Variants in ADAMTS12 observed in about 807,000 individuals in gnomAD.
ADAMTS12 encodes A disintegrin and metalloproteinase with thrombospondin motifs 12.
A neutral mutation model predicts 167.8 loss-of-function variants in ADAMTS12; 118 were observed. The ratio of observed to expected loss-of-function variants is 0.70; its 90% CI spans 0.61 to 0.82. The LOEUF (loss-of-function observed/expected upper bound fraction) is 0.82. ADAMTS12 is among the 40% of genes least tolerant of loss of function. The pLI is 0.00. For synonymous variants in ADAMTS12, 704 were observed against 716.9 expected (o/e 0.98, Z 0.29); for missense variants, 1,916 against 1,998.8 (o/e 0.96, Z 0.79).
chr5:33,661,318 G>T (rs984687935), intron 6 of ADAMTS12, among the ~76,000 whole-genome samples: 2 of 152,192 alleles, frequency 1.3e-5, no homozygotes. Flanking sequence ...GATTTTTACA[G>T]CTATGAGTCC....
At chr5:33,806,325 A>G (rs1367387050) in intron 2 of ADAMTS12, among the ~76,000 whole-genome samples, 60 of 152,224 alleles carry the variant, frequency 3.9e-4, no homozygotes, top group Admixed American at 3.9e-3. Flanking sequence ...TCCAGTCCAT[A>G]CACAGAGATG....
chr5:33,616,876 T>A (rs1042989628), intron 14 of ADAMTS12, among the ~76,000 whole-genome samples: 1 of 152,206 alleles, frequency 6.6e-6, no homozygotes. Context: ...GGTGAAAAAA[T>A]TAACACTTAA....
At chr5:33,868,199 A>G (rs1268823597) in intron 2 of ADAMTS12, among the ~76,000 whole-genome samples, 3 of 152,220 alleles carry the variant, frequency 2.0e-5, no homozygotes, top group Non-Finnish European at 4.4e-5. Context: ...ATGGACTAAT[A>G]TAGAAAATTG....
At chr5:33,807,402 G>C (rs1747277232) in intron 2 of ADAMTS12, among the ~76,000 whole-genome samples, 1 of 152,140 alleles carries the variant, frequency 6.6e-6, no homozygotes. Flanking sequence ...TCATTTACTA[G>C]CTGCGAGATC....
chr5:33,796,594 T>C (rs1047289077), intron 2 of ADAMTS12, among the ~76,000 whole-genome samples: 2 of 152,170 alleles, frequency 1.3e-5, no homozygotes, highest in African/African-American at 2.4e-5. Context: ...TGGGGCCTCA[T>C]GTCTAGTTTT....
chr5:33,586,206 T>G (rs1470421426), intron 18 of ADAMTS12, among the ~76,000 whole-genome samples: 7 of 152,182 alleles, frequency 4.6e-5, no homozygotes, highest in Non-Finnish European at 1.5e-5. Context: ...AATCACTATG[T>G]CACCTCTCTT....
At chr5:33,837,331 T>G (rs1009558961) in intron 2 of ADAMTS12, among the ~76,000 whole-genome samples, 7 of 152,252 alleles carry the variant, frequency 4.6e-5, no homozygotes, top group African/African-American at 1.7e-4. Flanking sequence ...ATGGAAGGAC[T>G]GAGTGGCAAT....
At chr5:33,605,705 C>G (rs1358162527) in intron 16 of ADAMTS12, among the ~76,000 whole-genome samples, 1 of 152,136 alleles carries the variant, frequency 6.6e-6, no homozygotes. Flanking sequence ...AGTCACAGAA[C>G]AGAGAATAAA....
chr5:33,724,574 T>C (rs981117385), intron 3 of ADAMTS12, among the ~76,000 whole-genome samples: 3 of 149,866 alleles, frequency 2.0e-5, no homozygotes, highest in African/African-American at 5.0e-5. Context: ...TAATTTGAGA[T>C]GGAGTCTCGC....
At chr5:33,693,675 TAA>T (rs34902531) in intron 3 of ADAMTS12, among the ~76,000 whole-genome samples, 27,227 of 151,808 alleles carry the variant, frequency 0.18, 2,521 homozygotes, top group East Asian at 0.25. Flanking sequence ...CCTCACAATA[TAA>T]AGAGTCACCT....
In ADAMTS12 at chr5:33,576,892, G is replaced by A; in HGVS notation, c.3134C>T (p.Thr1045Ile). Residue 1045 changes from threonine to isoleucine, a missense_variant, in exon 19 of 24, where the codon ACT becomes ATT. Thr to Ile is a moderately conservative substitution (Grantham distance 89). Transcript: ENST00000504830. Reference protein sequence around the residue: ...PTGPESMSTSTPAISSPSPTT... With the variant: ...PTGPESMSTSIPAISSPSPTT... ...AGGACTAGGGCTGCTGATTGCTGGAGTGCTTGTGCTCATAGACTCAGGCCC... is the reference window on the plus strand; with the variant it reads ...AGGACTAGGGCTGCTGATTGCTGGAATGCTTGTGCTCATAGACTCAGGCCC... 6.2e-7 allele frequency: 1 copy of A among 1,614,188 alleles called. No individual in the cohort carries two copies. The highest frequency in any genetic ancestry group is 8.5e-7 in the Non-Finnish European group (1 of 1,180,026).
intron 18 of ADAMTS12, among the ~76,000 whole-genome samples, chr5:33,583,033 T>A (rs1747150604): frequency 6.6e-6 from 1 of 152,184 alleles, no homozygotes; most frequent in South Asian, 2.1e-4. Context: ...TGTAATTAAG[T>A]TATTATTGAC....
rs1388781765 is a variant in ADAMTS12 at position 33,769,559 on chromosome 5, T to C, written c.490-18011A>G. On this transcript the variant is annotated intron_variant, in intron 2 of 23. Transcript: ENST00000504830. ...CACTTACATCAATTACAGGCAGTGA[T>C]GTTGTGAGTCCATCTCAGCCCCAAG... 3.9e-5 allele frequency among the ~76,000 whole-genome samples: 6 copies of C among 152,284 alleles called. No homozygotes were observed. In the South Asian group the frequency reaches 1.0e-3, roughly 26 times the overall value.
chr5:33,789,345 C>T (rs1746443409), intron 2 of ADAMTS12, among the ~76,000 whole-genome samples: 1 of 152,190 alleles, frequency 6.6e-6, no homozygotes, highest in African/African-American at 2.4e-5. Flanking sequence ...CCACACATGG[C>T]CTCCCCCAGG....
intron 17 of ADAMTS12, among the ~76,000 whole-genome samples, chr5:33,590,854 A>G (rs1311450526): frequency 6.6e-6 from 1 of 150,586 alleles, no homozygotes; most frequent in African/African-American, 2.4e-5. Flanking sequence ...AAAACAGCTT[A>G]GTCTTAGTCT....
At chr5:33,708,817 G>A (rs114399615) in intron 3 of ADAMTS12, among the ~76,000 whole-genome samples, 1,961 of 152,048 alleles carry the variant, frequency 0.013, 42 homozygotes, top group African/African-American at 0.045. Flanking sequence ...ACAAGAAGAG[G>A]GATAGCATTA....
chr5:33,614,245 G>A lies in ADAMTS12; in HGVS notation c.2520C>T (p.Cys840=), dbSNP rs762596707. 1.6e-5 allele frequency: 26 copies of A among 1,613,496 alleles called. No individual in the cohort carries two copies. The highest frequency in any genetic ancestry group is 1.7e-4 in the Middle Eastern group (1 of 6,038). Residue 840 remains cysteine (C), a synonymous_variant, in exon 16 of 24, where the codon TGC becomes TGT. Coordinates refer to ENST00000504830, the MANE Select transcript of ADAMTS12 (RefSeq NM_030955.4). ...YGHWTECSVT[C]GTGIRRQTAH... ...AGAGCAGCTGTTTCTCACCTGTCCC[G>A]CAGGTCACACTGCACTCTGTCCAGT...
At chr5:33,608,875 A>T (rs1383007037) in intron 16 of ADAMTS12, among the ~76,000 whole-genome samples, 1 of 152,176 alleles carries the variant, frequency 6.6e-6, no homozygotes, top group East Asian at 1.9e-4. Context: ...AAGGGAAACA[A>T]GAAGCTAGAA....
At chr5:33,595,562 CG>C (rs1374676617) in intron 17 of ADAMTS12, among the ~76,000 whole-genome samples, 9 of 152,192 alleles carry the variant, frequency 5.9e-5, no homozygotes, top group Non-Finnish European at 1.0e-4. Flanking sequence ...GCACTGTGAT[CG>C]GAAGGTGCCA....
Sources: gnomAD v4.1 joint callset for allele counts (sites outside exome capture counted in the v4.1 genomes callset) on GRCh38, gnomAD v4.1.1 for gene constraint, MANE v1.5 for transcripts, NCBI Gene and HGNC (gene_info 2026-07-23, HGNC 2026-07-21) for gene names.